TSNARE1: variants seen among roughly 807,000 people sequenced by gnomAD.
The protein encoded by TSNARE1 is t-SNARE domain containing 1.
A neutral mutation model predicts 62.0 loss-of-function variants in TSNARE1; 49 were observed. That is an observed-to-expected ratio of 0.79 (90% CI 0.63 to 1.00). The LOEUF (loss-of-function observed/expected upper bound fraction) is 1.00, where lower values mean the gene tolerates loss of function less well. Ranked by LOEUF, TSNARE1 falls within the 50% of genes least tolerant of loss-of-function variation. TSNARE1 has a pLI of 0.00. For synonymous variants in TSNARE1, 328 were observed against 294.4 expected (o/e 1.11, Z -1.17); for missense variants, 755 against 700.1 (o/e 1.08, Z -0.88).
intron 7 of TSNARE1, among the ~76,000 whole-genome samples, chr8:142,315,980 C>T (rs1828465576): frequency 6.6e-6 from 1 of 152,240 alleles, no homozygotes; most frequent in Admixed American, 6.5e-5. Context: ...GAGCCATTCG[C>T]TTCACGAGGA....
intron 9 of TSNARE1, among the ~76,000 whole-genome samples, chr8:142,301,155 G>A (rs1192873060): frequency 3.0e-5 from 4 of 131,202 alleles, no homozygotes; most frequent in African/African-American, 1.2e-4. Flanking sequence ...TGGCCACAGT[G>A]CCCCCCACTT....
intron 12 of TSNARE1, chr8:142,273,986 C>T (rs1820013155): frequency 1.0e-6 from 1 of 985,082 alleles, no homozygotes; most frequent in Non-Finnish European, 1.2e-6. Flanking sequence ...CAATACTGCC[C>T]CTGCTCCGCC....
intron 2 of TSNARE1, among the ~76,000 whole-genome samples, chr8:142,352,128 G>A (rs866324394): frequency 1.5e-4 from 23 of 152,242 alleles, no homozygotes; most frequent in African/African-American, 5.3e-4. Context: ...GCCCGGCCTG[G>A]ATTGGGCTGT....
At chr8:142,273,701 G>C (rs1467798069) in intron 12 of TSNARE1, 1 of 985,300 alleles carries the variant, frequency 1.0e-6, no homozygotes. Context: ...CACTCCCACA[G>C]TGGGGGTGCC....
intron 9 of TSNARE1, among the ~76,000 whole-genome samples, chr8:142,307,096 G>A (rs564593319): frequency 9.2e-5 from 14 of 152,324 alleles, no homozygotes; most frequent in East Asian, 3.9e-4. Flanking sequence ...TGGACTCAGC[G>A]TTATGTCCGA....
chr8:142,344,097 G>A lies in TSNARE1; in HGVS notation c.614C>T (p.Ala205Val), dbSNP rs148280960. Reference protein sequence around the residue: ...VRRKLGDLRKAAHGPSPGSGK... With the variant: ...VRRKLGDLRKVAHGPSPGSGK... ...GGAACCAGGGCTGGGGCCATGGGCC[G>A]CCTTCCGGAGGTCGCCCAGCTTGCG... Residue 205 changes from alanine to valine, a missense_variant, in exon 4 of 14, where the codon GCG (alanine) becomes GTG (valine). Physicochemically the swap from Ala to Val is moderately conservative, Grantham distance 64. Transcript: ENST00000524325. 19 of 1,610,166 alleles carry A rather than the reference G, an allele frequency of 1.2e-5. No individual in the cohort carries two copies. Among genetic ancestry groups the A allele is most frequent in the African/African-American group, 5.3e-5 (4 of 74,870 alleles).
chr8:142,284,935 G>C (rs1035368512), intron 10 of TSNARE1, among the ~76,000 whole-genome samples: 1 of 152,246 alleles, frequency 6.6e-6, no homozygotes, highest in African/African-American at 2.4e-5. Flanking sequence ...TTGCCTGGGT[G>C]CTCCTGCACA....
intron 11 of TSNARE1, chr8:142,275,242 A>C (rs1820263180): frequency 1.0e-6 from 1 of 985,244 alleles, no homozygotes. Context: ...GCCCCCTCTG[A>C]AGGGGCAAAG....
intron 12 of TSNARE1, among the ~76,000 whole-genome samples, chr8:142,235,220 G>A (rs1224329382): frequency 1.3e-5 from 2 of 151,902 alleles, no homozygotes; most frequent in East Asian, 1.9e-4. Context: ...AGAGAAGGAC[G>A]TGACTCACCC....
At chr8:142,255,884 C>T (rs1230774233) in intron 12 of TSNARE1, among the ~76,000 whole-genome samples, 2 of 29,816 alleles carry the variant, frequency 6.7e-5, no homozygotes, top group Admixed American at 2.8e-4. Flanking sequence ...ATCACCATCA[C>T]CACCACCACC....
chr8:142,340,122 C>T (rs1392894199), intron 4 of TSNARE1, among the ~76,000 whole-genome samples: 3 of 152,116 alleles, frequency 2.0e-5, no homozygotes, highest in East Asian at 1.9e-4. Flanking sequence ...AGGAAGGAGG[C>T]GTCCATGAAG....
At chr8:142,259,009 G>A (rs1002864817) in intron 12 of TSNARE1, among the ~76,000 whole-genome samples, 4 of 152,306 alleles carry the variant, frequency 2.6e-5, no homozygotes, top group East Asian at 1.9e-4. Context: ...CGCTTTGCAC[G>A]GTCCGGCAAG....
At chr8:142,260,013 C>T (rs1818777139) in intron 12 of TSNARE1, among the ~76,000 whole-genome samples, 1 of 151,938 alleles carries the variant, frequency 6.6e-6, no homozygotes, top group Admixed American at 6.5e-5. Flanking sequence ...GCCCAGGACT[C>T]ACCCTCTGCA....
chr8:142,324,894 G>T lies in TSNARE1; in HGVS notation c.893+6007C>A, dbSNP rs79456562. ...TCCTAGTGACTGCGACGCCCCTGCC[G>T]GTCCCTCGGCTGAGGGGGCTGTGGG... On this transcript the variant is annotated intron_variant, in intron 6 of 13. Transcript: ENST00000524325. 7.4e-3 allele frequency among the ~76,000 whole-genome samples: 1,131 copies of T among 152,364 alleles called. 24 individuals carry two copies. Among genetic ancestry groups the T allele is most frequent in the South Asian group, 0.073 (352 of 4,828 alleles).
At chr8:142,324,882 G>A (rs572503369) in intron 6 of TSNARE1, among the ~76,000 whole-genome samples, 3 of 152,354 alleles carry the variant, frequency 2.0e-5, no homozygotes, top group African/African-American at 2.4e-5. Flanking sequence ...TAGTGACTGC[G>A]ACGCCCCTGC....
chr8:142,387,556 C>G (rs1837193651), intron 1 of TSNARE1, among the ~76,000 whole-genome samples: 1 of 151,892 alleles, frequency 6.6e-6, no homozygotes, highest in Admixed American at 6.6e-5. Flanking sequence ...AGAGAAGCAA[C>G]CGAGACGGAA....
chr8:142,338,460 A>G (rs916878887), intron 4 of TSNARE1, among the ~76,000 whole-genome samples: 2 of 152,090 alleles, frequency 1.3e-5, no homozygotes, highest in East Asian at 1.9e-4. Flanking sequence ...CCCAACACCC[A>G]CCACAAGCCT....
In TSNARE1 at chr8:142,304,813, G is replaced by A. The variant is rs1458129595; in HGVS notation, c.1132-4169C>T. Among the ~76,000 whole-genome samples the A allele has an allele frequency of 2.0e-5, 3 of 152,208 alleles. No homozygotes were observed. The East Asian group carries it at 5.8e-4, about 29-fold the overall frequency. ...CTTTTCCCAACGCTGTGAGCTACGGGGTAGAGACGTTCCTCCCAGGGGGGA... is the reference window on the plus strand; with the variant it reads ...CTTTTCCCAACGCTGTGAGCTACGGAGTAGAGACGTTCCTCCCAGGGGGGA... On this transcript the variant is annotated intron_variant, in intron 9 of 13. Coordinates refer to ENST00000524325, the MANE Select transcript of TSNARE1 (RefSeq NM_145003.5).
intron 10 of TSNARE1, among the ~76,000 whole-genome samples, chr8:142,295,220 C>A (rs1051661698): frequency 3.9e-5 from 6 of 152,258 alleles, no homozygotes; most frequent in African/African-American, 1.4e-4. Flanking sequence ...CTACGACCCT[C>A]CTCTGGGAGA....
Sources: gnomAD v4.1 joint callset for allele counts (sites outside exome capture counted in the v4.1 genomes callset) on GRCh38, gnomAD v4.1.1 for gene constraint, MANE v1.5 for transcripts, NCBI Gene and HGNC (gene_info 2026-07-23, HGNC 2026-07-21) for gene names.